MEIKIN: variants seen among roughly 807,000 people sequenced by gnomAD.
MEIKIN encodes meiosis-specific kinetochore protein.
chr5:131,821,832 C>T (rs1318726694), intron 11 of MEIKIN, among the ~76,000 whole-genome samples: 1 of 151,598 alleles, frequency 6.6e-6, no homozygotes, highest in Non-Finnish European at 1.5e-5. Flanking sequence ...ACTTTGTTAC[C>T]CAGGCTGGTC....
At chr5:131,940,008 A>T (rs1312189069) in intron 4 of MEIKIN, among the ~76,000 whole-genome samples, 1 of 152,238 alleles carries the variant, frequency 6.6e-6, no homozygotes, top group East Asian at 1.9e-4. Context: ...ATGAGATAGG[A>T]AGATAAAAGA....
chr5:131,930,667 CA>C (rs1751674196), intron 5 of MEIKIN, among the ~76,000 whole-genome samples: 1 of 151,930 alleles, frequency 6.6e-6, no homozygotes, highest in Non-Finnish European at 1.5e-5. Context: ...CTTGCTCTGT[CA>C]TCCAGGCTGG....
In MEIKIN at chr5:131,818,214, G is replaced by A. The variant is rs376203606; in HGVS notation, c.1099+526C>T. Among the ~76,000 whole-genome samples the A allele has an allele frequency of 5.9e-5, 9 of 152,262 alleles. No homozygotes were observed. In the East Asian group the frequency reaches 1.5e-3, roughly 26 times the overall value. On this transcript the variant is annotated intron_variant, in intron 12 of 12. Transcript: ENST00000442687. The stretch of plus-strand genomic sequence containing the variant: ...AGAGGAAGTACTCAACCAATATGAG[G>A]TGAATGCAAAAACATCTCCACATCT...
intron 6 of MEIKIN, among the ~76,000 whole-genome samples, chr5:131,920,576 T>G (rs1751486708): frequency 6.6e-6 from 1 of 152,186 alleles, no homozygotes; most frequent in South Asian, 2.1e-4. Flanking sequence ...TCACCACTAG[T>G]AAGACATAAT....
intron 8 of MEIKIN, among the ~76,000 whole-genome samples, chr5:131,902,800 C>T (rs773460889): frequency 1.3e-5 from 2 of 152,134 alleles, no homozygotes; most frequent in Admixed American, 6.5e-5. Flanking sequence ...GTTAACCATG[C>T]TGAGATGGCT....
intron 9 of MEIKIN, among the ~76,000 whole-genome samples, chr5:131,856,780 T>G (rs1750199432): frequency 6.6e-6 from 1 of 151,648 alleles, no homozygotes; most frequent in African/African-American, 2.4e-5. Context: ...TTCTTAGATT[T>G]GTTAAAATAT....
chr5:131,914,583 A>G (rs1751384576), intron 7 of MEIKIN, among the ~76,000 whole-genome samples: 1 of 32,720 alleles, frequency 3.1e-5, no homozygotes, highest in Non-Finnish European at 7.8e-5. Flanking sequence ...AAGGGAAGGG[A>G]AGGGAAGGGA....
At chr5:131,907,270 T>G (rs1477544297) in intron 8 of MEIKIN, among the ~76,000 whole-genome samples, 1 of 150,404 alleles carries the variant, frequency 6.6e-6, no homozygotes, top group Non-Finnish European at 1.5e-5. Flanking sequence ...TAACAATGCA[T>G]CTAAAAGAAC....
At chr5:131,917,248 T>A (rs1280793321) in intron 6 of MEIKIN, among the ~76,000 whole-genome samples, 1 of 152,000 alleles carries the variant, frequency 6.6e-6, no homozygotes, top group African/African-American at 2.4e-5. Context: ...CCATTTTACA[T>A]ATAAGAAAAA....
At chr5:131,937,818 T>C (rs1273768779) in intron 4 of MEIKIN, among the ~76,000 whole-genome samples, 1 of 152,190 alleles carries the variant, frequency 6.6e-6, no homozygotes, top group Non-Finnish European at 1.5e-5. Context: ...AATTTCTCTA[T>C]CCTGAGAATT....
At chr5:131,879,199 A>G (rs905231886) in intron 8 of MEIKIN, among the ~76,000 whole-genome samples, 151 bp from the exon 9 acceptor site, 2 of 152,240 alleles carry the variant, frequency 1.3e-5, no homozygotes, top group East Asian at 3.8e-4. Flanking sequence ...TAATTAAACA[A>G]GAAAAATTAA....
At chr5:131,912,537 C>T (rs1341658272) in intron 7 of MEIKIN, among the ~76,000 whole-genome samples, 5 of 151,804 alleles carry the variant, frequency 3.3e-5, no homozygotes, top group Admixed American at 6.6e-5. Context: ...TTTCTGAGTC[C>T]GTAGCAAGAA....
chr5:131,884,026 C>A (rs1750737140), intron 8 of MEIKIN, among the ~76,000 whole-genome samples: 1 of 152,086 alleles, frequency 6.6e-6, no homozygotes, highest in South Asian at 2.1e-4. Flanking sequence ...TGAGTTCCAG[C>A]AAGCCTTGCC....
chr5:131,842,599 A>T (rs1749934742), intron 11 of MEIKIN, among the ~76,000 whole-genome samples: 1 of 141,422 alleles, frequency 7.1e-6, no homozygotes, highest in African/African-American at 2.6e-5. Context: ...TGATTTGTTG[A>T]TTTTTTTTTG....
In MEIKIN at chr5:131,807,264, G is replaced by GAA; in HGVS notation, c.1100-8_1100-7dup. On this transcript the variant is annotated splice_region_variant and splice_polypyrimidine_tract_variant and intron_variant, in intron 12 of 12. Coordinates refer to ENST00000442687, the MANE Select transcript of MEIKIN (RefSeq NM_001303622.2). ...TGCCATTTTTATTATGATATCTGGA[G>GAA]AAAAAAAAATAACAATAGATTACTT... The GAA allele has an allele frequency of 7.7e-6, 3 of 388,874 alleles. No individual in the cohort carries two copies. The South Asian group carries it at 3.9e-4, about 50-fold the overall frequency. The allele number at this position is 388,874 out of a possible 1,614,324, so 24.1% of individuals were successfully genotyped here. A position where few individuals can be genotyped will look rare whatever the true frequency, so the allele number is the denominator to read the frequency against.
chr5:131,919,572 T>C (rs955927145), intron 6 of MEIKIN, among the ~76,000 whole-genome samples: 2 of 152,126 alleles, frequency 1.3e-5, no homozygotes, highest in Admixed American at 6.5e-5. Context: ...GATCTCTATG[T>C]AAACCAATGT....
intron 11 of MEIKIN, among the ~76,000 whole-genome samples, chr5:131,849,306 C>T (rs1315207420): frequency 3.3e-5 from 5 of 151,762 alleles, no homozygotes; most frequent in Non-Finnish European, 5.9e-5. Context: ...CTTCCTCCTG[C>T]TCTGGCCATG....
intron 12 of MEIKIN, among the ~76,000 whole-genome samples, chr5:131,807,632 C>T (rs529310374): frequency 3.9e-5 from 6 of 152,268 alleles, no homozygotes; most frequent in South Asian, 2.1e-4. Context: ...CCCAGGAAGT[C>T]GCCTCTCATA....
chr5:131,944,448 CAAGAGA>C (rs746879188), intron 3 of MEIKIN: 14 of 367,442 alleles, frequency 3.8e-5, no homozygotes, highest in Non-Finnish European at 6.8e-5. Context: ...AAAAACGTGT[CAAGAGA>C]AAGAGAAAAA....
Sources: allele counts gnomAD v4.1 joint callset (sites outside exome capture counted in the v4.1 genomes callset), GRCh38; gene constraint gnomAD v4.1.1; transcripts MANE v1.5; gene names NCBI Gene and HGNC (gene_info 2026-07-23, HGNC 2026-07-21).